Variants in WDFY3 observed in about 807,000 individuals in gnomAD.
WDFY3 encodes WD repeat and FYVE domain containing 3.
In WDFY3, 66 loss-of-function variants were observed where a neutral mutation model predicts 409.6. The observed-to-expected ratio is 0.16, with a 90% confidence interval of 0.13 to 0.20. WDFY3 has a LOEUF of 0.20. Ranked by LOEUF, WDFY3 falls within the 10% of genes least tolerant of loss-of-function variation. The pLI is 1.00. For synonymous variants in WDFY3, 1,521 were observed against 1,537.1 expected (o/e 0.99, Z 0.25); for missense variants, 3,031 against 4,298.1 (o/e 0.71, Z 8.24).
chr4:84,727,237 TAA>T (rs956203657), intron 44 of WDFY3, among the ~76,000 whole-genome samples: 1 of 145,106 alleles, frequency 6.9e-6, no homozygotes, highest in Admixed American at 6.9e-5. Context: ...TTACATTGTT[TAA>T]AAAAAAAAAC....
chr4:84,813,536 C>T lies in WDFY3; in HGVS notation c.1888-3192G>A, dbSNP rs184986297. 3.4e-3 allele frequency among the ~76,000 whole-genome samples: 522 copies of T among 152,258 alleles called. 2 individuals carry two copies. The highest frequency in any genetic ancestry group is 5.1e-3 in the Non-Finnish European group (347 of 68,008). ...CTACTGTGCAACTCTTTCCAATCCA[C>T]ATTCAGTGGCACATTAGTTGACTGA... On this transcript the variant is annotated intron_variant, in intron 13 of 67. Transcript: ENST00000295888.
chr4:84,791,058 C>T (rs1033001798), intron 21 of WDFY3, among the ~76,000 whole-genome samples: 1 of 152,094 alleles, frequency 6.6e-6, no homozygotes, highest in African/African-American at 2.4e-5. Context: ...AGACGTTTCT[C>T]AAAACACTGA....
chr4:84,728,221 AAAAC>A (rs1263844138), intron 44 of WDFY3, among the ~76,000 whole-genome samples: 5 of 152,136 alleles, frequency 3.3e-5, no homozygotes, highest in African/African-American at 9.7e-5. Flanking sequence ...AAAACAAAAC[AAAAC>A]AAACAAACAA....
chr4:84,838,944 T>G (rs1756959105), intron 6 of WDFY3, among the ~76,000 whole-genome samples: 1 of 152,190 alleles, frequency 6.6e-6, no homozygotes, highest in Non-Finnish European at 1.5e-5. Flanking sequence ...AGGACCATGT[T>G]TTGGTCATCT....
At chr4:84,957,596 G>A (rs2151175050) in intron 1 of WDFY3, among the ~76,000 whole-genome samples, 1 of 152,320 alleles carries the variant, frequency 6.6e-6, no homozygotes, top group African/African-American at 2.4e-5. Flanking sequence ...GGAGTTAATG[G>A]TCACAGTTTT....
At chr4:84,760,118 A>T (rs1001652255) in intron 32 of WDFY3, among the ~76,000 whole-genome samples, 5 of 151,324 alleles carry the variant, frequency 3.3e-5, no homozygotes, top group Admixed American at 6.7e-5. Context: ...ATTGATTTGC[A>T]TATATTGAAC....
chr4:84,713,893 C>A (rs935128516), intron 50 of WDFY3, among the ~76,000 whole-genome samples: 7 of 152,018 alleles, frequency 4.6e-5, no homozygotes, highest in South Asian at 2.1e-4. Context: ...CCGAGGCGGG[C>A]AGATCATGAG....
intron 62 of WDFY3, chr4:84,687,867 C>A: frequency 2.3e-6 from 1 of 442,552 alleles, no homozygotes; most frequent in East Asian, 4.1e-5. Context: ...TTGGTGGTCT[C>A]TGACTTTCAG....
chr4:84,803,236 A>G lies in WDFY3; in HGVS notation c.2607+54T>C, dbSNP rs1434249007. 20 of 1,518,496 alleles carry G rather than the reference A, an allele frequency of 1.3e-5. No homozygotes were observed. In the East Asian group the frequency reaches 4.1e-4, roughly 31 times the overall value. 94.1% of individuals were successfully genotyped at this position (1,518,496 alleles called of 1,614,324 possible). A position where few individuals can be genotyped will look rare whatever the true frequency, so the allele number is the denominator to read the frequency against. ...CCCTAGCTCATATAATCATACTCACATCCTTTCATTCATTTCATTACAGAC... is the reference window on the plus strand; with the variant it reads ...CCCTAGCTCATATAATCATACTCACGTCCTTTCATTCATTTCATTACAGAC... On this transcript the variant is annotated intron_variant, in intron 16 of 67. Coordinates refer to ENST00000295888, the MANE Select transcript of WDFY3 (RefSeq NM_014991.6).
Position 84,766,372 on chromosome 4 carries a change from C to T in WDFY3, c.4850G>A (p.Gly1617Glu), listed in dbSNP as rs755964703. 6.3e-7 allele frequency: 1 copy of T among 1,579,804 alleles called. No individual in the cohort carries two copies. Among genetic ancestry groups the T allele is most frequent in the Non-Finnish European group, 8.5e-7 (1 of 1,170,272 alleles). ...EINNEEKLDT[G>E]TEEEFGGLVS... ...AAGACCTCCAAACTCCTCTTCAGTT[C>T]CTAAAATAAAAATAAATACATTAAA... Residue 1617 changes from glycine (G) to glutamate (E), a missense_variant and splice_region_variant, in exon 31 of 68, where the codon GGA becomes GAA. By Grantham distance (98) the Gly-to-Glu change is moderately conservative. Coordinates refer to ENST00000295888, the MANE Select transcript of WDFY3 (RefSeq NM_014991.6).
intron 50 of WDFY3, among the ~76,000 whole-genome samples, chr4:84,715,071 C>T (rs1424378514): frequency 6.6e-6 from 1 of 152,074 alleles, no homozygotes; most frequent in Non-Finnish European, 1.5e-5. Context: ...TTGATGATCT[C>T]TACTATAAGT....
intron 1 of WDFY3, among the ~76,000 whole-genome samples, chr4:84,959,030 T>C (rs1365309225): frequency 1.3e-5 from 2 of 152,192 alleles, no homozygotes; most frequent in African/African-American, 2.4e-5. Flanking sequence ...TTGACAATTA[T>C]TGACAGTACA....
chr4:84,721,792 G>A (rs1734895789), intron 46 of WDFY3, among the ~76,000 whole-genome samples: 1 of 151,976 alleles, frequency 6.6e-6, no homozygotes, highest in Admixed American at 6.6e-5. Context: ...TATAAAACTG[G>A]GACAAGAGCC....
intron 3 of WDFY3, among the ~76,000 whole-genome samples, chr4:84,871,038 A>T (rs923245151): frequency 6.6e-6 from 1 of 152,168 alleles, no homozygotes; most frequent in African/African-American, 2.4e-5. Flanking sequence ...AGGGAGCAAC[A>T]GCATATTTAA....
At chr4:84,787,215 C>A (rs755031653) in intron 23 of WDFY3, among the ~76,000 whole-genome samples, 1 of 152,080 alleles carries the variant, frequency 6.6e-6, no homozygotes, top group African/African-American at 2.4e-5. Flanking sequence ...CACAGTTAGA[C>A]TCCTAGAGGG....
At chr4:84,859,700 C>G (rs1357532476) in intron 4 of WDFY3, among the ~76,000 whole-genome samples, 1 of 152,094 alleles carries the variant, frequency 6.6e-6, no homozygotes, top group African/African-American at 2.4e-5. Context: ...CTCAGCCTCC[C>G]GAATAGCTGG....
intron 21 of WDFY3, among the ~76,000 whole-genome samples, chr4:84,791,885 T>C (rs959916195): frequency 6.6e-6 from 1 of 152,176 alleles, no homozygotes; most frequent in African/African-American, 2.4e-5. Flanking sequence ...TAAGAAATAA[T>C]GGTTTCATAT....
At chr4:84,837,423 T>G (rs1354302692) in intron 6 of WDFY3, among the ~76,000 whole-genome samples, 1 of 152,198 alleles carries the variant, frequency 6.6e-6, no homozygotes, top group Non-Finnish European at 1.5e-5. Context: ...TTAATTCTCC[T>G]GAGATTCACT....
chr4:84,688,626 A>G (rs1371642718), intron 61 of WDFY3, among the ~76,000 whole-genome samples: 3 of 152,240 alleles, frequency 2.0e-5, no homozygotes, highest in African/African-American at 7.2e-5. Context: ...ATGGGCATCA[A>G]AAATACAGAA....
Sources: allele counts gnomAD v4.1 joint callset (sites outside exome capture counted in the v4.1 genomes callset), GRCh38; gene constraint gnomAD v4.1.1; transcripts MANE v1.5; gene names NCBI Gene and HGNC (gene_info 2026-07-23, HGNC 2026-07-21).